The following CRBN variants were observed in gnomAD, a reference collection of about 807,000 sequenced individuals.
CRBN encodes the protein protein cereblon.
CRBN carries 53 observed loss-of-function variants against 62.2 expected under a neutral mutation model. The observed-to-expected ratio is 0.85, with a 90% CI of 0.68 to 1.07. CRBN has a LOEUF of 1.07. CRBN is among the 50% of genes least tolerant of loss of function. The pLI, the probability that CRBN is intolerant of heterozygous loss-of-function variation, is 0.00. For missense variants in CRBN, 616 were observed against 531.1 expected (o/e 1.16, Z -1.57); for synonymous variants, 208 against 176.1 (o/e 1.18, Z -1.43).
In CRBN at chr3:3,167,653, C is replaced by CATTT. The variant is rs1216854610; in HGVS notation, c.664_667dup (p.Trp223Ter). On this transcript the variant is annotated stop_gained and frameshift_variant, in exon 5 of 11. Coordinates refer to ENST00000231948, the MANE Select transcript of CRBN (RefSeq NM_016302.4). LOFTEE classifies it high-confidence loss of function. Reference sequence around the variant, plus strand: ...TCTCACCTTCTGGTATTTCTGCCACCATTTATATGAACATTGGTCTTCTCT... The same window carrying CATTT: ...TCTCACCTTCTGGTATTTCTGCCACCATTTATTTATATGAACATTGGTCTTCTCT... 9 of 1,612,662 alleles carry CATTT rather than the reference C, an allele frequency of 5.6e-6. No homozygotes were observed. The highest frequency in any genetic ancestry group is 1.7e-6 in the Non-Finnish European group (2 of 1,179,290).
chr3:3,151,885 T>TTAGTC (rs1007694082), intron 10 of CRBN, among the ~76,000 whole-genome samples: 1 of 152,204 alleles, frequency 6.6e-6, no homozygotes, highest in African/African-American at 2.4e-5. Flanking sequence ...CTGCACCTTC[T>TTAGTC]TAGTCTATCA....
intron 6 of CRBN, 72 bp from the exon 7 acceptor site, chr3:3,154,903 C>CTT (rs1244594610): frequency 1.2e-6 from 1 of 859,898 alleles, no homozygotes; most frequent in Non-Finnish European, 2.0e-6. Context: ...CTTTTCAACT[C>CTT]TTAAAACTAA....
intron 4 of CRBN, among the ~76,000 whole-genome samples, chr3:3,169,259 T>C (rs745678099): frequency 5.9e-5 from 9 of 152,218 alleles, no homozygotes; most frequent in Admixed American, 2.6e-4. Flanking sequence ...GCATATGCAG[T>C]GGCTGGTTCT....
At chr3:3,152,637 T>C in intron 9 of CRBN, 50 bp from the exon 10 acceptor site, 2 of 1,608,848 alleles carry the variant, frequency 1.2e-6, no homozygotes, top group Non-Finnish European at 1.7e-6. Context: ...GAAGTCTAAT[T>C]TTATTAAATG....
At chr3:3,165,474 C>T (rs1289576076) in intron 5 of CRBN, among the ~76,000 whole-genome samples, 1 of 152,138 alleles carries the variant, frequency 6.6e-6, no homozygotes, top group Non-Finnish European at 1.5e-5. Context: ...CAACCACTAC[C>T]CTGATTAGTC....
chr3:3,170,882 C>T (rs1707578158), intron 4 of CRBN, among the ~76,000 whole-genome samples: 1 of 152,150 alleles, frequency 6.6e-6, no homozygotes, highest in African/African-American at 2.4e-5. Flanking sequence ...CTTGGCTCAC[C>T]ACAACCTCTG....
Position 3,150,383 on chromosome 3 carries a change from A to G in CRBN, c.*482T>C, listed in dbSNP as rs1374208786. 1 of 152,614 alleles carries G rather than the reference A, an allele frequency of 6.6e-6. No homozygotes were observed. The highest frequency in any genetic ancestry group is 1.5e-5 in the Non-Finnish European group (1 of 68,822). 9.5% of individuals were successfully genotyped at this position (152,614 alleles called of 1,614,324 possible). The stretch of plus-strand genomic sequence containing the variant: ...AGCCCTTTTAGAATAATTAATATAC[A>G]TTGCCTTGCTTCTTTCCAAAAGGAA... On this transcript the variant is annotated 3_prime_UTR_variant, in exon 11 of 11. Coordinates refer to ENST00000231948, the MANE Select transcript of CRBN (RefSeq NM_016302.4).
At chr3:3,170,317 G>C (rs986469167) in intron 4 of CRBN, among the ~76,000 whole-genome samples, 2 of 152,050 alleles carry the variant, frequency 1.3e-5, no homozygotes, top group Admixed American at 6.6e-5. Flanking sequence ...GTGTCATTTA[G>C]GTAAAAGATG....
chr3:3,164,372 T>C (rs917682280), intron 5 of CRBN, among the ~76,000 whole-genome samples: 1 of 152,316 alleles, frequency 6.6e-6, no homozygotes, highest in Admixed American at 6.5e-5. Flanking sequence ...GTCTTATTAC[T>C]GATATGGAGA....
Position 3,172,786 on chromosome 3 carries a change from G to A in CRBN, c.517C>T (p.Gln173Ter). The stretch of plus-strand genomic sequence containing the variant: ...TATGTTATTTCTTACCCATCTGACT[G>A]TGTTCTTAGCTCAAGGACTTTGAAC... ...QRFKVLELRT[Q>*]SDGIQQAKVQ... The change falls in exon 4 of 11, where the codon CAG becomes TAG. Residue 173 changes from glutamine to a stop codon, truncating the protein, a stop_gained. Transcript: ENST00000231948. LOFTEE classifies it high-confidence loss of function. 6.2e-7 allele frequency: 1 copy of A among 1,613,588 alleles called. No homozygotes were observed.
chr3:3,157,844 A>G (rs980715868), intron 5 of CRBN, among the ~76,000 whole-genome samples: 4 of 152,192 alleles, frequency 2.6e-5, no homozygotes, highest in African/African-American at 9.7e-5. Context: ...ATGCTGTTCA[A>G]ATATGGGAAC....
rs774317257 is a variant in CRBN at position 3,172,778 on chromosome 3, A to G, written c.525T>C (p.Asp175=). 1.2e-6 allele frequency: 2 copies of G among 1,613,664 alleles called. No homozygotes were observed. Among genetic ancestry groups the G allele is most frequent in the Non-Finnish European group, 1.7e-6 (2 of 1,179,560 alleles). ...TTAAGGTATATGTTATTTCTTACCC[A>G]TCTGACTGTGTTCTTAGCTCAAGGA... ...FKVLELRTQS[D]GIQQAKVQIL... The change falls in exon 4 of 11, where the codon GAT becomes GAC. Residue 175 remains aspartate, a splice_region_variant and synonymous_variant. Transcript: ENST00000231948.
rs369949127 is a variant in CRBN at position 3,167,806 on chromosome 3, G to A, written c.528-13C>T. The stretch of plus-strand genomic sequence containing the variant: ...AGCTTGCTGGATTCTAAAATAAAGA[G>A]AACCAAGCATGGTATTCATTTCTAA... On this transcript the variant is annotated splice_polypyrimidine_tract_variant and intron_variant, in intron 4 of 10. Coordinates refer to ENST00000231948, the MANE Select transcript of CRBN (RefSeq NM_016302.4). 3 of 1,612,436 alleles carry A rather than the reference G, an allele frequency of 1.9e-6. No individual in the cohort carries two copies. The Admixed American group carries it at 5.0e-5, about 27-fold the overall frequency.
chr3:3,165,306 G>A (rs1315523784), intron 5 of CRBN, among the ~76,000 whole-genome samples: 1 of 152,224 alleles, frequency 6.6e-6, no homozygotes, highest in Non-Finnish European at 1.5e-5. Context: ...AGCAAGTTCT[G>A]ACAGGACTGA....
At chr3:3,160,843 A>C (rs752362545) in intron 5 of CRBN, among the ~76,000 whole-genome samples, 14 of 152,248 alleles carry the variant, frequency 9.2e-5, no homozygotes, top group Non-Finnish European at 1.6e-4. Context: ...TAAAATAAAC[A>C]TATGAATTTG....
chr3:3,175,328 G>A (rs1374294106), intron 1 of CRBN, 59 bp from the exon 2 acceptor site: 1 of 1,233,192 alleles, frequency 8.1e-7, no homozygotes, highest in South Asian at 1.2e-5. Flanking sequence ...TTTCAAACAT[G>A]TAATTCCTTC....
chr3:3,150,970 G>GTCT lies in CRBN; in HGVS notation c.1221_1223dup (p.Lys407_Asp408insGlu). 1.2e-6 allele frequency: 2 copies of GTCT among 1,614,026 alleles called. No homozygotes were observed. Among genetic ancestry groups the GTCT allele is most frequent in the African/African-American group, 1.3e-5 (1 of 75,030 alleles). The stretch of plus-strand genomic sequence containing the variant: ...AGCCCCAAAATTTTTGAGGTGACAT[G>GTCT]TCTTTTTTGGTGGCCGTAAACTTCC... On this transcript the variant is annotated inframe_insertion, in exon 11 of 11. Transcript: ENST00000231948.
chr3:3,151,041 C>CATACCTAAGAA lies in CRBN; in HGVS notation c.1149-7_1152dup (p.Ala385PhefsTer37). 6.2e-7 allele frequency: 1 copy of CATACCTAAGAA among 1,613,740 alleles called. No individual in the cohort carries two copies. The highest frequency in any genetic ancestry group is 8.5e-7 in the Non-Finnish European group (1 of 1,179,852). On this transcript the variant is annotated frameshift_variant, in exon 11 of 11. Transcript: ENST00000231948. LOFTEE classifies it high-confidence loss of function. ...ATCTTACACTGGGCAACAGTCCAGG[C>CATACCTAAGAA]ATACCTAAGAAATTAAGGAAAGATA...
chr3:3,177,911 A>G (rs1320456217), intron 1 of CRBN, among the ~76,000 whole-genome samples: 1 of 152,152 alleles, frequency 6.6e-6, no homozygotes, highest in African/African-American at 2.4e-5. Flanking sequence ...GTGTTTCCCT[A>G]CAAATAAAAT....
Sources: gnomAD v4.1 joint callset for allele counts (sites outside exome capture counted in the v4.1 genomes callset) on GRCh38, gnomAD v4.1.1 for gene constraint, MANE v1.5 for transcripts, NCBI Gene and HGNC (gene_info 2026-07-23, HGNC 2026-07-21) for gene names.